Variants in PABPC4L observed in about 807,000 individuals in gnomAD.
The protein encoded by PABPC4L is poly(A) binding protein cytoplasmic 4 like.
For synonymous variants in PABPC4L, 169 were observed against 164.1 expected, an observed-to-expected ratio of 1.03 and a Z score of -0.23; for missense variants, 452 against 451.4, an observed-to-expected ratio of 1.00 and a Z score of -0.01.
chr4:133,950,733 G>A, the PABPC4L span, among the ~76,000 whole-genome samples: 2 of 152,076 alleles, frequency 1.3e-5, no homozygotes, highest in Non-Finnish European at 2.9e-5. Context: ...TTTCCTCCAG[G>A]GAAGCTTGCT....
chr4:134,082,699 T>C, the PABPC4L span, among the ~76,000 whole-genome samples: 1 of 152,106 alleles, frequency 6.6e-6, no homozygotes, highest in Non-Finnish European at 1.5e-5. Context: ...TGATTTATAT[T>C]GGGCCCATCT....
chr4:134,098,859 C>T, the PABPC4L span, among the ~76,000 whole-genome samples: 112 of 151,616 alleles, frequency 7.4e-4, no homozygotes, highest in African/African-American at 2.6e-3. Context: ...GATTTTGTTT[C>T]GAGAAGGAAT....
At position 134,201,202 on chromosome 4, in the gene PABPC4L, C is replaced by T. The variant is rs1000241767; in HGVS notation, c.-183G>A. On this transcript the variant is annotated 5_prime_UTR_variant, in exon 2 of 2. Transcript: ENST00000421491. ...TCAGGCAACACCCTCATCCAAAAGT[C>T]CCCACAGCCACCAATCTGGCCCTCC... is the stretch of plus-strand genomic sequence containing the variant. 15 of 1,545,458 alleles carry T rather than the reference C, an allele frequency of 9.7e-6. No homozygotes were observed. The highest frequency in any genetic ancestry group is 1.3e-5 in the Non-Finnish European group (15 of 1,144,380).
At chr4:134,185,932 C>T in the PABPC4L span, among the ~76,000 whole-genome samples, 1 of 152,150 alleles carries the variant, frequency 6.6e-6, no homozygotes, top group Admixed American at 6.6e-5. Flanking sequence ...AACTCCCATT[C>T]ACAATTGCTA....
At chr4:133,983,539 G>T in the PABPC4L span, among the ~76,000 whole-genome samples, 2 of 151,788 alleles carry the variant, frequency 1.3e-5, no homozygotes, top group Admixed American at 1.3e-4. Flanking sequence ...AATTAAATGA[G>T]AATCTAAGAA....
chr4:134,122,413 TA>T, the PABPC4L span, among the ~76,000 whole-genome samples: 1 of 151,950 alleles, frequency 6.6e-6, no homozygotes, highest in African/African-American at 2.4e-5. Flanking sequence ...AATCATTATT[TA>T]AAGCAATTTT....
At chr4:133,997,365 T>C in the PABPC4L span, among the ~76,000 whole-genome samples, 3 of 152,052 alleles carry the variant, frequency 2.0e-5, no homozygotes, top group Non-Finnish European at 2.9e-5. Context: ...TTACCTCTCA[T>C]TTACAATGCA....
chr4:134,040,788 C>T, the PABPC4L span, among the ~76,000 whole-genome samples: 3 of 152,084 alleles, frequency 2.0e-5, no homozygotes, highest in Non-Finnish European at 2.9e-5. Context: ...AGTGAACAGG[C>T]AACCTACAGA....
the PABPC4L span, among the ~76,000 whole-genome samples, chr4:134,104,483 C>G: frequency 4.2e-5 from 3 of 70,814 alleles, no homozygotes; most frequent in Non-Finnish European, 6.7e-5. Context: ...CTAAGGTGAC[C>G]CATATGCCAT....
chr4:134,156,351 T>C, the PABPC4L span, among the ~76,000 whole-genome samples: 1 of 151,920 alleles, frequency 6.6e-6, no homozygotes, highest in East Asian at 1.9e-4. Flanking sequence ...GAAAACATTT[T>C]CTTTTTAAGT....
At chr4:133,986,491 A>T in the PABPC4L span, among the ~76,000 whole-genome samples, 1 of 152,124 alleles carries the variant, frequency 6.6e-6, no homozygotes, top group Admixed American at 6.6e-5. Flanking sequence ...CTTAATGACA[A>T]TGAGAAGAAA....
chr4:134,089,706 G>C, the PABPC4L span, among the ~76,000 whole-genome samples: 1 of 151,832 alleles, frequency 6.6e-6, no homozygotes, highest in Non-Finnish European at 1.5e-5. Flanking sequence ...TGAAAATACA[G>C]TATTCCTCAG....
chr4:134,122,859 T>C, the PABPC4L span, among the ~76,000 whole-genome samples: 1 of 151,956 alleles, frequency 6.6e-6, no homozygotes, highest in African/African-American at 2.4e-5. Flanking sequence ...TTAAGGTGTT[T>C]TGTTTACATC....
the PABPC4L span, among the ~76,000 whole-genome samples, chr4:134,116,920 C>A: frequency 4.6e-5 from 7 of 151,504 alleles, no homozygotes; most frequent in African/African-American, 1.7e-4. Context: ...ACAATAAGAT[C>A]TTTGTATGTT....
chr4:134,169,717 A>C, the PABPC4L span, among the ~76,000 whole-genome samples: 3 of 152,140 alleles, frequency 2.0e-5, no homozygotes, highest in Admixed American at 1.3e-4. Flanking sequence ...ACCTGGGAAT[A>C]TACTTGGCCA....
the PABPC4L span, among the ~76,000 whole-genome samples, chr4:133,978,199 TAACTC>T: frequency 6.6e-6 from 1 of 152,322 alleles, no homozygotes; most frequent in Non-Finnish European, 1.5e-5. Flanking sequence ...ATGTTCCAGA[TAACTC>T]AAACAACTCA....
chr4:134,179,916 A>C, the PABPC4L span, among the ~76,000 whole-genome samples: 2 of 152,148 alleles, frequency 1.3e-5, no homozygotes, highest in East Asian at 3.9e-4. Flanking sequence ...TAAGATACTT[A>C]GATAACCACA....
rs1179232498 is a variant in PABPC4L at position 134,201,176 on chromosome 4, C to T, written c.-157G>A. ...TGGAGTTCAGACACGACTCCCCCAG[C>T]TCAGGCAACACCCTCATCCAAAAGT... On this transcript the variant is annotated 5_prime_UTR_variant, in exon 2 of 2. Coordinates refer to ENST00000421491, the MANE Select transcript of PABPC4L (RefSeq NM_001114734.2). 1.9e-6 allele frequency: 3 copies of T among 1,548,526 alleles called. No individual in the cohort carries two copies. Among genetic ancestry groups the T allele is most frequent in the Non-Finnish European group, 2.6e-6 (3 of 1,146,026 alleles).
At chr4:133,998,116 T>C in the PABPC4L span, among the ~76,000 whole-genome samples, 2 of 151,820 alleles carry the variant, frequency 1.3e-5, no homozygotes, top group African/African-American at 2.4e-5. Context: ...AATTATTTAA[T>C]CTATAATTTT....
Sources: allele counts gnomAD v4.1 joint callset (sites outside exome capture counted in the v4.1 genomes callset), GRCh38; gene constraint gnomAD v4.1.1; transcripts MANE v1.5; gene names NCBI Gene and HGNC (gene_info 2026-07-23, HGNC 2026-07-21).